The following HTR1F variants were observed in gnomAD, a reference collection of about 807,000 sequenced individuals.
The protein encoded by HTR1F is 5-hydroxytryptamine receptor 1F.
A neutral mutation model predicts 24.0 loss-of-function variants in HTR1F; 17 were observed. That is an observed-to-expected ratio of 0.71 (90% CI 0.48 to 1.06). The LOEUF is 1.06. Among genes scored for constraint, HTR1F ranks in the 50% least tolerant of loss-of-function variants. The pLI, the probability that HTR1F is intolerant of heterozygous loss-of-function variation, is 0.00. For missense variants in HTR1F, 391 were observed against 427.8 expected (o/e 0.91, Z 0.76); for synonymous variants, 186 against 156.8 (o/e 1.19, Z -1.39).
intron 2 of HTR1F, among the ~76,000 whole-genome samples, chr3:87,981,063 G>A (rs894397971): frequency 5.3e-5 from 8 of 152,144 alleles, no homozygotes; most frequent in South Asian, 2.1e-4. Flanking sequence ...CCCAGCTCCC[G>A]CCAGCTCCCT....
intron 2 of HTR1F, among the ~76,000 whole-genome samples, chr3:87,953,496 T>C (rs1262913389): frequency 2.0e-5 from 3 of 150,436 alleles, no homozygotes; most frequent in African/African-American, 7.4e-5. Flanking sequence ...AAATATCATC[T>C]AACCCCAGTT....
rs796790816 is a variant in HTR1F at position 87,805,203 on chromosome 3, G to GT, written c.-160+12372dup. Among the ~76,000 whole-genome samples the GT allele has an allele frequency of 7.1e-3, 1,029 of 145,288 alleles. 7 individuals are homozygous for GT. The highest frequency in any genetic ancestry group is 0.023 in the African/African-American group (904 of 39,928). Reference sequence around the variant, plus strand: ...ATATGTTAACAACTTGTAGAGCAAGGTTTTTTTTTTTACCACTCTTCTCCA... The same window carrying GT: ...ATATGTTAACAACTTGTAGAGCAAGGTTTTTTTTTTTTACCACTCTTCTCCA... On this transcript the variant is annotated intron_variant, in intron 1 of 2. Transcript: ENST00000319595.
At chr3:87,977,190 T>C (rs1308033253) in intron 2 of HTR1F, among the ~76,000 whole-genome samples, 1 of 152,182 alleles carries the variant, frequency 6.6e-6, no homozygotes, top group African/African-American at 2.4e-5. Context: ...AAATGCTTTT[T>C]ACCCAGCTAG....
intron 2 of HTR1F, among the ~76,000 whole-genome samples, chr3:87,937,928 GAA>G (rs57450022): frequency 0.47 from 54,076 of 114,374 alleles, 10,202 homozygotes; most frequent in African/African-American, 0.51. Flanking sequence ...CATCTCAAAA[GAA>G]AAAAAAAAAA....
intron 2 of HTR1F, among the ~76,000 whole-genome samples, chr3:87,887,927 T>G (rs1705992200): frequency 6.6e-6 from 1 of 152,102 alleles, no homozygotes; most frequent in Admixed American, 6.6e-5. Flanking sequence ...CTCAGGGATC[T>G]AGAACTAGAA....
chr3:87,798,124 C>T (rs1013413551), intron 1 of HTR1F, among the ~76,000 whole-genome samples: 4 of 152,102 alleles, frequency 2.6e-5, no homozygotes, highest in African/African-American at 9.7e-5. Flanking sequence ...GATCATCACT[C>T]TCATCAAATC....
chr3:87,946,756 G>C (rs1704718547), intron 2 of HTR1F, among the ~76,000 whole-genome samples: 1 of 151,928 alleles, frequency 6.6e-6, no homozygotes, highest in Admixed American at 6.5e-5. Flanking sequence ...CTCCTGAGAA[G>C]CTGGGGTTAC....
At position 87,991,257 on chromosome 3, in the gene HTR1F, G is replaced by T; in HGVS notation, c.508G>T (p.Asp170Tyr). The T allele has an allele frequency of 6.2e-7, 1 of 1,614,042 alleles. No homozygotes were observed. The highest frequency in any genetic ancestry group is 1.1e-5 in the South Asian group (1 of 91,082). ...GAGGCACCAAGGAACTAGCAGAGAT[G>T]ATGAATGCATCATCAAGCACGACCA... ...FWRHQGTSRD[D>Y]ECIIKHDHIV... Residue 170 changes from aspartate (D) to tyrosine (Y), a missense_variant, in exon 3 of 3, where the codon GAT becomes TAT. Physicochemically the swap from Asp to Tyr is radical, Grantham distance 160. Coordinates refer to ENST00000319595, the MANE Select transcript of HTR1F (RefSeq NM_001322209.2).
intron 2 of HTR1F, among the ~76,000 whole-genome samples, chr3:87,925,015 TAATGCG>T (rs1169183899): frequency 6.6e-6 from 1 of 152,134 alleles, no homozygotes; most frequent in Non-Finnish European, 1.5e-5. Flanking sequence ...GGAACTCTTA[TAATGCG>T]AATATGGTGA....
chr3:87,835,221 G>C (rs1169666272), intron 2 of HTR1F, among the ~76,000 whole-genome samples: 1 of 152,034 alleles, frequency 6.6e-6, no homozygotes, highest in East Asian at 1.9e-4. Flanking sequence ...ATAACTTGTG[G>C]GGCTCAAGGC....
chr3:87,867,212 T>A (rs1357954473), intron 2 of HTR1F, among the ~76,000 whole-genome samples: 1 of 151,884 alleles, frequency 6.6e-6, no homozygotes, highest in African/African-American at 2.4e-5. Flanking sequence ...TGTGAGTCAG[T>A]GGTGTTGGCT....
intron 2 of HTR1F, among the ~76,000 whole-genome samples, chr3:87,951,247 ATAT>A (rs753491491): frequency 6.6e-6 from 1 of 152,190 alleles, no homozygotes; most frequent in Non-Finnish European, 1.5e-5. Context: ...TGTCTAAAAC[ATAT>A]TATTTATAAC....
At chr3:87,881,511 GA>G (rs555446736) in intron 2 of HTR1F, among the ~76,000 whole-genome samples, 1 of 152,092 alleles carries the variant, frequency 6.6e-6, no homozygotes, top group Admixed American at 6.5e-5. Context: ...GGGAATGGCT[GA>G]AAAAAAGGCA....
At chr3:87,837,674 T>A (rs1704709036) in intron 2 of HTR1F, among the ~76,000 whole-genome samples, 1 of 152,078 alleles carries the variant, frequency 6.6e-6, no homozygotes, top group East Asian at 1.9e-4. Flanking sequence ...ATACATTGGA[T>A]AATTTATTAT....
intron 2 of HTR1F, among the ~76,000 whole-genome samples, chr3:87,974,342 T>G (rs2107500850): frequency 1.3e-5 from 2 of 152,340 alleles, no homozygotes; most frequent in East Asian, 3.9e-4. Flanking sequence ...CTATTATCAA[T>G]GCACGTTAAA....
At chr3:87,927,577 T>C (rs74513889) in intron 2 of HTR1F, among the ~76,000 whole-genome samples, 4,884 of 152,234 alleles carry the variant, frequency 0.032, 238 homozygotes, top group African/African-American at 0.11. Flanking sequence ...ATAATCACAT[T>C]TTATAGAGCT....
At chr3:87,814,111 A>G (rs1704207269) in intron 1 of HTR1F, among the ~76,000 whole-genome samples, 1 of 152,032 alleles carries the variant, frequency 6.6e-6, no homozygotes, top group Non-Finnish European at 1.5e-5. Flanking sequence ...GGTGGTATGC[A>G]CTTTCACATT....
chr3:87,970,039 C>A (rs1705253794), intron 2 of HTR1F, among the ~76,000 whole-genome samples: 1 of 152,232 alleles, frequency 6.6e-6, no homozygotes, highest in Non-Finnish European at 1.5e-5. Context: ...CCACGTGGAA[C>A]TGTGAGTCTT....
At chr3:87,961,310 CCTT>C (rs1705055448) in intron 2 of HTR1F, among the ~76,000 whole-genome samples, 2 of 152,068 alleles carry the variant, frequency 1.3e-5, no homozygotes, top group Admixed American at 6.6e-5. Context: ...ATATGCTCCT[CCTT>C]GTCATTGGAA....
Sources: gnomAD v4.1 joint callset for allele counts (sites outside exome capture counted in the v4.1 genomes callset) on GRCh38, gnomAD v4.1.1 for gene constraint, MANE v1.5 for transcripts, NCBI Gene and HGNC (gene_info 2026-07-23, HGNC 2026-07-21) for gene names.